The following PRH1 variants were observed in gnomAD, a reference collection of about 807,000 sequenced individuals.
The protein encoded by PRH1 is proline rich protein HaeIII subfamily 1, also known as salivary acidic proline-rich phosphoprotein 1/2.
A neutral mutation model predicts 7.9 loss-of-function variants in PRH1; 7 were observed. That is an observed-to-expected ratio of 0.89 (90% CI 0.50 to 1.67). The LOEUF is 1.67. Among genes scored for constraint, PRH1 ranks in the 40% most tolerant of loss-of-function variants. The probability of loss-of-function intolerance (pLI) is 0.00; values close to 1 mark genes in which losing one functional copy is unlikely to be tolerated. For synonymous variants in PRH1, 45 were observed against 80.8 expected, an observed-to-expected ratio of 0.56 and a Z score of 2.38; for missense variants, 109 against 223.6, an observed-to-expected ratio of 0.49 and a Z score of 3.27.
intron 1 of PRH1, among the ~76,000 whole-genome samples, chr12:11,035,608 T>C (rs972684631): frequency 1.3e-5 from 2 of 152,140 alleles, no homozygotes; most frequent in African/African-American, 4.8e-5. Context: ...GACATGAAAA[T>C]GGTAACCATA....
intron 1 of PRH1, among the ~76,000 whole-genome samples, chr12:11,079,467 T>C (rs1434671516): frequency 8.5e-6 from 1 of 118,042 alleles, no homozygotes; most frequent in Admixed American, 8.5e-5. Flanking sequence ...ATGCAGTACA[T>C]GGCCCGTCTC....
chr12:10,890,554 G>GA (rs1394652112), intron 2 of PRH1, among the ~76,000 whole-genome samples: 1 of 150,996 alleles, frequency 6.6e-6, no homozygotes, highest in Non-Finnish European at 1.5e-5. Flanking sequence ...TAGAATGCAG[G>GA]AAAAAAGAGG....
chr12:11,072,554 T>C (rs1193793609), intron 1 of PRH1, among the ~76,000 whole-genome samples: 2 of 152,240 alleles, frequency 1.3e-5, no homozygotes, highest in Admixed American at 6.5e-5. Flanking sequence ...AGGAATGGAA[T>C]TGATCACTAC....
At chr12:10,892,128 T>C (rs1261648383) in intron 2 of PRH1, among the ~76,000 whole-genome samples, 4 of 152,178 alleles carry the variant, frequency 2.6e-5, no homozygotes, top group African/African-American at 9.6e-5. Context: ...CCTCAAACTT[T>C]GCACCCTGCA....
chr12:11,039,514 T>C (rs1477201914), intron 1 of PRH1, among the ~76,000 whole-genome samples: 1 of 152,248 alleles, frequency 6.6e-6, no homozygotes, highest in Non-Finnish European at 1.5e-5. Flanking sequence ...GTTTTTTAAA[T>C]GTTCTGCAAT....
At chr12:11,068,360 T>A (rs1424606426) in intron 1 of PRH1, among the ~76,000 whole-genome samples, 1 of 152,234 alleles carries the variant, frequency 6.6e-6, no homozygotes, top group African/African-American at 2.4e-5. Flanking sequence ...TCCATCTTGA[T>A]AATTCCTCTC....
intron 1 of PRH1, among the ~76,000 whole-genome samples, chr12:11,060,659 A>C (rs1010341863): frequency 2.2e-4 from 34 of 152,140 alleles, no homozygotes. Flanking sequence ...ATTGTTTTCT[A>C]AGCTATTCAC....
Position 11,036,018 on chromosome 12 carries a change from G to C in PRH1, c.-126+11002C>G, listed in dbSNP as rs546522662. Among the ~76,000 whole-genome samples, 14 of 152,016 alleles carry C rather than the reference G, an allele frequency of 9.2e-5. No homozygotes were observed. In the East Asian group the frequency reaches 2.5e-3, roughly 27 times the overall value. ...ACGCCATTCTCCTGCCTCAGCCTCC[G>C]GAGTAGCTGGGACTACAGGAGCCTG... On this transcript the variant is annotated intron_variant, in intron 1 of 3. Coordinates refer to the PRH1 transcript ENST00000539853.
At chr12:10,947,962 C>G (rs1950513184) in intron 2 of PRH1, among the ~76,000 whole-genome samples, 1 of 152,152 alleles carries the variant, frequency 6.6e-6, no homozygotes, top group African/African-American at 2.4e-5. Flanking sequence ...GGCCTCCAAT[C>G]TCTTCTAATT....
intron 1 of PRH1, chr12:10,997,683 GTAA>G: frequency 6.2e-7 from 1 of 1,613,714 alleles, no homozygotes; most frequent in Non-Finnish European, 8.5e-7. Flanking sequence ...GAATACCAAT[GTAA>G]TAATATTACC....
intron 2 of PRH1, among the ~76,000 whole-genome samples, chr12:10,943,908 T>G (rs1294611333): frequency 3.9e-5 from 6 of 152,322 alleles, no homozygotes; most frequent in Non-Finnish European, 8.8e-5. Flanking sequence ...CTGGGATCTC[T>G]ATTCTGTTCC....
intron 1 of PRH1, among the ~76,000 whole-genome samples, chr12:10,999,257 A>C (rs1319545142): frequency 2.0e-5 from 3 of 152,280 alleles, no homozygotes; most frequent in East Asian, 3.9e-4. Context: ...TCAGGAGCCA[A>C]AGGAAAAATA....
chr12:11,061,291 A>T (rs78022839), intron 1 of PRH1: 2 of 1,392,798 alleles, frequency 1.4e-6, no homozygotes, highest in Non-Finnish European at 9.8e-7. Context: ...CAGAAAACAC[A>T]GTAAGAAATA....
intron 1 of PRH1, among the ~76,000 whole-genome samples, chr12:11,005,510 G>A (rs949523469): frequency 1.3e-5 from 2 of 152,058 alleles, no homozygotes; most frequent in Non-Finnish European, 2.9e-5. Context: ...AGAATCCAAA[G>A]TTTTCTTATC....
intron 2 of PRH1, among the ~76,000 whole-genome samples, chr12:10,910,439 T>C (rs569770532): frequency 3.9e-5 from 6 of 152,134 alleles, no homozygotes; most frequent in Middle Eastern, 3.2e-3. Flanking sequence ...CTGGGCAACA[T>C]AGGGAGACCC....
intron 1 of PRH1, among the ~76,000 whole-genome samples, chr12:11,069,147 T>G (rs111951497): frequency 7.6e-6 from 1 of 130,956 alleles, no homozygotes; most frequent in African/African-American, 2.6e-5. Flanking sequence ...CCAATAATTG[T>G]GCTCAAGAAA....
In PRH1 at chr12:10,986,467, T is replaced by C. The variant is rs775123595; in HGVS notation, c.-125-12746A>G. ...AAAAATATCAAAGTCCCCAACAGTA[T>C]CACCAGAATGACACTCCTAACTCTC... is the stretch of plus-strand genomic sequence containing the variant. On this transcript the variant is annotated intron_variant, in intron 1 of 3. Transcript: ENST00000539853. The C allele has an allele frequency of 5.0e-6, 8 of 1,613,986 alleles. No individual in the cohort carries two copies. The South Asian group carries it at 8.8e-5, about 18-fold the overall frequency.
chr12:11,066,370 G>C (rs1382330596), intron 1 of PRH1, among the ~76,000 whole-genome samples: 1 of 152,170 alleles, frequency 6.6e-6, no homozygotes, highest in Admixed American at 6.5e-5. Context: ...TTACTGGTTA[G>C]TTTTAGTTAC....
chr12:10,939,123 G>C, intron 2 of PRH1: 17 of 1,607,708 alleles, frequency 1.1e-5, no homozygotes, highest in Non-Finnish European at 1.4e-5. Flanking sequence ...CAGTTCACCA[G>C]TGCTATGAAA....
Sources: allele counts gnomAD v4.1 joint callset (sites outside exome capture counted in the v4.1 genomes callset), GRCh38; gene constraint gnomAD v4.1.1; transcripts MANE v1.5; gene names NCBI Gene and HGNC (gene_info 2026-07-23, HGNC 2026-07-21).